The following RO60 variants were observed in gnomAD, a reference collection of about 807,000 sequenced individuals.
The protein encoded by RO60 is RNA-binding protein RO60.
Under a neutral mutation model 55.3 loss-of-function variants are expected in RO60, and 20 were observed. The observed-to-expected ratio is 0.36, with a 90% CI of 0.25 to 0.53. RO60 has a LOEUF of 0.53. RO60 is among the 20% of genes least tolerant of loss of function. RO60 has a pLI of 0.92. For missense variants in RO60, 558 were observed against 646.6 expected, an observed-to-expected ratio of 0.86 and a Z score of 1.49; for synonymous variants, 213 against 213.6, an observed-to-expected ratio of 1.00 and a Z score of 0.02.
chr1:193,064,665 C>A (rs1672996716), intron 1 of RO60, among the ~76,000 whole-genome samples: 1 of 152,190 alleles, frequency 6.6e-6, no homozygotes. Context: ...ATGTTGCACT[C>A]TGGAAAGTAC....
intron 1 of RO60, chr1:193,060,044 C>A (rs369237382): frequency 1.5e-6 from 2 of 1,340,712 alleles, no homozygotes; most frequent in South Asian, 1.2e-5. Flanking sequence ...TCCTGCTTGT[C>A]GGCATCGCTC....
chr1:193,074,382 A>ATC (rs1673747532), intron 2 of RO60, among the ~76,000 whole-genome samples: 3 of 152,170 alleles, frequency 2.0e-5, no homozygotes, highest in Admixed American at 1.3e-4. Context: ...GTTTCTCCAC[A>ATC]TCCTCTCCAG....
chr1:193,074,768 T>C (rs1673785641), intron 2 of RO60, among the ~76,000 whole-genome samples: 1 of 152,262 alleles, frequency 6.6e-6, no homozygotes, highest in South Asian at 2.1e-4. Context: ...TTGGCTTTTG[T>C]TGCCATTGCT....
At chr1:193,072,445 T>G (rs984508997) in intron 2 of RO60, among the ~76,000 whole-genome samples, 3 of 151,928 alleles carry the variant, frequency 2.0e-5, no homozygotes, top group African/African-American at 7.2e-5. Flanking sequence ...TTTTTTTTTT[T>G]TGGTTGGGGG....
At chr1:193,061,381 TGAC>T (rs1672703839) in intron 1 of RO60, among the ~76,000 whole-genome samples, 1 of 152,246 alleles carries the variant, frequency 6.6e-6, no homozygotes, top group Non-Finnish European at 1.5e-5. Context: ...ATGTCAGCTT[TGAC>T]TTCATTTAAA....
At chr1:193,070,850 C>A (rs1443449601) in intron 2 of RO60, among the ~76,000 whole-genome samples, 1 of 152,064 alleles carries the variant, frequency 6.6e-6, no homozygotes, top group African/African-American at 2.4e-5. Flanking sequence ...TAATAAATTG[C>A]AAATATTTAT....
Position 193,089,480 on chromosome 1 carries a change from GGTA to G in RO60, c.*4753_*4755del, listed in dbSNP as rs565212317. 3.3e-5 allele frequency: 5 copies of G among 151,932 alleles called. No homozygotes were observed. Among genetic ancestry groups the G allele is most frequent in the East Asian group, 1.9e-4 (1 of 5,170 alleles). The allele number at this position is 151,932 out of a possible 1,614,324, so 9.4% of individuals were successfully genotyped here. ...TTATGAAGTTAAAATTTAATTCTAA[GGTA>G]GTATTTTTCATGTATAAAACTAATA... On this transcript the variant is annotated 3_prime_UTR_variant, in exon 9 of 9. Coordinates refer to ENST00000400968, the MANE Select transcript of RO60 (RefSeq NM_001173524.2).
chr1:193,080,375 C>G (rs1674226770), intron 5 of RO60, among the ~76,000 whole-genome samples: 1 of 152,178 alleles, frequency 6.6e-6, no homozygotes, highest in East Asian at 1.9e-4. Flanking sequence ...AAAGGTTAAA[C>G]GTAGAATTAC....
chr1:193,067,737 G>A (rs1673214312), intron 1 of RO60, among the ~76,000 whole-genome samples: 1 of 152,174 alleles, frequency 6.6e-6, no homozygotes, highest in Non-Finnish European at 1.5e-5. Flanking sequence ...GATAAAGAGG[G>A]ATGTTGTTTC....
At chr1:193,074,659 A>G (rs1211959470) in intron 2 of RO60, among the ~76,000 whole-genome samples, 1 of 152,134 alleles carries the variant, frequency 6.6e-6, no homozygotes, top group Non-Finnish European at 1.5e-5. Flanking sequence ...GTAGATTGCA[A>G]AAATTTTCTC....
In RO60 at chr1:193,062,064, A is replaced by G. The variant is rs538498400; in HGVS notation, c.-22+2288A>G. Among the ~76,000 whole-genome samples the G allele has an allele frequency of 1.9e-4, 29 of 152,156 alleles. No individual in the cohort carries two copies. In the South Asian group the frequency reaches 5.6e-3, roughly 29 times the overall value. ...CTTCTCAAGAACTTAATTTATAGAG[A>G]TTTAATACAACATTAGTTGTATGGT... On this transcript the variant is annotated intron_variant, in intron 1 of 8. Transcript: ENST00000400968.
Position 193,084,614 on chromosome 1 carries a change from A to G in RO60, c.1500A>G (p.Gly500=), listed in dbSNP as rs771795967. The part of the protein sequence containing the change: ...MDIPAKLIVC[G]MTSNGFTIAD... ...TTCCAGCTAAATTGATTGTTTGTGG[A>G]ATGACATCAAATGGTTTCACCATTG... Residue 500 remains glycine (G), a synonymous_variant, in exon 9 of 9, where the codon GGA becomes GGG. Coordinates refer to ENST00000400968, the MANE Select transcript of RO60 (RefSeq NM_001173524.2). 4.3e-6 allele frequency: 7 copies of G among 1,613,470 alleles called. No individual in the cohort carries two copies. The East Asian group carries it at 6.7e-5, about 15-fold the overall frequency.
chr1:193,063,301 A>G (rs116585904), intron 1 of RO60, among the ~76,000 whole-genome samples: 1,869 of 152,128 alleles, frequency 0.012, 20 homozygotes, highest in South Asian at 0.034. Flanking sequence ...TTATGTGTTT[A>G]CTGGCCATTT....
At chr1:193,060,443 T>C (rs1328974595) in intron 1 of RO60, among the ~76,000 whole-genome samples, 2 of 152,166 alleles carry the variant, frequency 1.3e-5, no homozygotes, top group Admixed American at 1.3e-4. Flanking sequence ...TTTAAGAGTA[T>C]ATTGAAGTCG....
intron 3 of RO60, among the ~76,000 whole-genome samples, 190 bp downstream of exon 3, chr1:193,076,230 G>A (rs1367162819): frequency 6.6e-6 from 1 of 151,826 alleles, no homozygotes; most frequent in African/African-American, 2.4e-5. Flanking sequence ...ATTTGTGTTA[G>A]TTTCACTCCA....
intron 1 of RO60, among the ~76,000 whole-genome samples, chr1:193,065,079 A>G (rs1461999577): frequency 6.6e-6 from 1 of 152,162 alleles, no homozygotes; most frequent in Non-Finnish European, 1.5e-5. Context: ...CTTGTATTAT[A>G]TTTTGCATTA....
In RO60 at chr1:193,086,637, T is replaced by C. The variant is rs1558257976; in HGVS notation, c.*1906T>C. Reference sequence around the variant, plus strand: ...TTTTATTCCTAATAGAAATGTTAAATAGAATATAGTACAAAAGTGCATTAC... The same window carrying C: ...TTTTATTCCTAATAGAAATGTTAAACAGAATATAGTACAAAAGTGCATTAC... On this transcript the variant is annotated 3_prime_UTR_variant, in exon 9 of 9. Coordinates refer to ENST00000400968, the MANE Select transcript of RO60 (RefSeq NM_001173524.2). 1 of 148,334 alleles carries C rather than the reference T, an allele frequency of 6.7e-6. No individual in the cohort carries two copies. The highest frequency in any genetic ancestry group is 1.5e-5 in the Non-Finnish European group (1 of 66,424). The allele number at this position is 148,334 out of a possible 1,614,324, so 9.2% of individuals were successfully genotyped here.
Position 193,059,908 on chromosome 1 carries a change from C to G in RO60, c.-22+132C>G, listed in dbSNP as rs1221319040. 1 of 1,365,932 alleles carries G rather than the reference C, an allele frequency of 7.3e-7. No homozygotes were observed. Among genetic ancestry groups the G allele is most frequent in the Non-Finnish European group, 9.8e-7 (1 of 1,021,642 alleles). 84.6% of individuals were successfully genotyped at this position (1,365,932 alleles called of 1,614,324 possible). On this transcript the variant is annotated intron_variant, in intron 1 of 8. Coordinates refer to ENST00000400968, the MANE Select transcript of RO60 (RefSeq NM_001173524.2). This position sits in a 1 kb window ranked among gnomAD's most constrained non-coding sequence, Gnocchi z 4.9. ...CTGGGCAAACGCCGCGAAACTATCG[C>G]TCTTCCCCGTCCCGCTTCCGCGCCT...
intron 8 of RO60, 84 bp downstream of exon 8, chr1:193,082,792 C>G (rs1385653873): frequency 8.4e-7 from 1 of 1,183,560 alleles, no homozygotes; most frequent in Non-Finnish European, 1.2e-6. Context: ...GGAGACAGGA[C>G]CTCATTCTGT....
Sources: allele counts gnomAD v4.1 joint callset (sites outside exome capture counted in the v4.1 genomes callset), GRCh38; gene constraint gnomAD v4.1.1; non-coding constraint Gnocchi (gnomAD v3.1); transcripts MANE v1.5; gene names NCBI Gene and HGNC (gene_info 2026-07-23, HGNC 2026-07-21).